The following ANKRD1 variants were observed in gnomAD, a reference collection of about 807,000 sequenced individuals.
The protein encoded by ANKRD1 is ankyrin repeat domain-containing protein 1.
A neutral mutation model predicts 40.1 loss-of-function variants in ANKRD1; 32 were observed. The ratio of observed to expected loss-of-function variants is 0.80; its 90% CI spans 0.60 to 1.07. The LOEUF (loss-of-function observed/expected upper bound fraction) is 1.07, where lower values mean the gene tolerates loss of function less well. ANKRD1 is among the 50% of genes least tolerant of loss of function. The probability of loss-of-function intolerance (pLI) is 0.00; values close to 1 mark genes in which losing one functional copy is unlikely to be tolerated. For missense variants in ANKRD1, 359 were observed against 386.0 expected (o/e 0.93, Z 0.59); for synonymous variants, 149 against 141.2 (o/e 1.06, Z -0.39).
chr10:90,916,917 T>C (rs1011018293), intron 5 of ANKRD1, among the ~76,000 whole-genome samples: 1 of 152,090 alleles, frequency 6.6e-6, no homozygotes, highest in African/African-American at 2.4e-5. Flanking sequence ...CTGTAGTCAC[T>C]TGTGTCTACA....
Position 90,912,975 on chromosome 10 carries a change from G to C in ANKRD1, c.851C>G (p.Ala284Gly), listed in dbSNP as rs370857813. 6 of 1,613,774 alleles carry C rather than the reference G, an allele frequency of 3.7e-6. No homozygotes were observed. The African/African-American group carries it at 8.0e-5, about 22-fold the overall frequency. ...CACCAGATCCATCGGCGTCTTCCCA[G>C]CCTAATCAAATGAGATAAGGAAAGT... ...YGADLNIKNC[A>G]GKTPMDLVLH... The change falls in exon 9 of 9, where the codon GCT (alanine) becomes GGT (glycine). Residue 284 changes from alanine to glycine, a missense_variant and splice_region_variant. By Grantham distance (60) the Ala-to-Gly change is moderately conservative. Transcript: ENST00000371697.
At chr10:90,914,211 G>A (rs1025962963) in intron 8 of ANKRD1, among the ~76,000 whole-genome samples, 5 of 151,962 alleles carry the variant, frequency 3.3e-5, no homozygotes, top group African/African-American at 1.2e-4. Flanking sequence ...TTGATCTTTG[G>A]GGGAAACATC....
chr10:90,919,508 C>T (rs1847411769), intron 2 of ANKRD1, among the ~76,000 whole-genome samples: 1 of 152,142 alleles, frequency 6.6e-6, no homozygotes, highest in East Asian at 1.9e-4. Flanking sequence ...GTAGAATCAG[C>T]CCTTGACCAA....
rs1450689886 is a variant in ANKRD1, at chr10:90,912,226, C to T, written c.*640G>A. ...CAATTCTGCATGTCCCAGTTTGCCG[C>T]TCCTTCCACTGATTTGCACTTACAC... On this transcript the variant is annotated 3_prime_UTR_variant, in exon 9 of 9. Coordinates refer to ENST00000371697, the MANE Select transcript of ANKRD1 (RefSeq NM_014391.3). 7.0e-6 allele frequency: 1 copy of T among 143,498 alleles called. No homozygotes were observed. The highest frequency in any genetic ancestry group is 1.5e-5 in the Non-Finnish European group (1 of 66,804). The allele number at this position is 143,498 out of a possible 1,614,324, so 8.9% of individuals were successfully genotyped here.
rs142439928 is a variant in ANKRD1 at position 90,912,547 on chromosome 10, T to C, written c.*319A>G. ...TTGAACTTTGCTCTTTCACCTGGTT[T>C]AAGAACTACCTATGGGTGGGAAGGC... On this transcript the variant is annotated 3_prime_UTR_variant, in exon 9 of 9. Transcript: ENST00000371697. 2,297 of 331,876 alleles carry C rather than the reference T, an allele frequency of 6.9e-3. 17 individuals are homozygous for C. The highest frequency in any genetic ancestry group is 9.4e-3 in the Non-Finnish European group (1,615 of 171,574). 20.6% of individuals were successfully genotyped at this position (331,876 alleles called of 1,614,324 possible).
chr10:90,921,044 T>C lies in ANKRD1; in HGVS notation c.-17A>G, dbSNP rs79341122. ...TACCATCATGTTGGCTGAAGGAGTC[T>C]TGTATGTTTTTCTGTCGTGGAAGGA... On this transcript the variant is annotated 5_prime_UTR_variant, in exon 1 of 9. Transcript: ENST00000371697. 2,045 of 1,613,830 alleles carry C rather than the reference T, an allele frequency of 1.3e-3. 21 individuals carry two copies. The African/African-American group carries it at 0.023, about 18-fold the overall frequency.
chr10:90,919,337 C>G, intron 2 of ANKRD1, 69 bp from the exon 3 acceptor site: 5 of 1,414,388 alleles, frequency 3.5e-6, no homozygotes, highest in Non-Finnish European at 4.9e-6. Context: ...TGTGTCTAAA[C>G]TAAATCTGCA....
intron 4 of ANKRD1, 55 bp downstream of exon 4, chr10:90,918,810 A>C (rs1315437637): frequency 7.3e-7 from 1 of 1,374,036 alleles, no homozygotes; most frequent in Admixed American, 1.7e-5. Context: ...GGAGTAAAGC[A>C]TAAGAAACAT....
At chr10:90,916,761 G>C (rs1847378151) in intron 5 of ANKRD1, among the ~76,000 whole-genome samples, 1 of 152,144 alleles carries the variant, frequency 6.6e-6, no homozygotes, top group African/African-American at 2.4e-5. Flanking sequence ...CTAAACACAT[G>C]TATTTAAAAA....
rs72003210 is a variant in ANKRD1, at chr10:90,918,983, AATAAATAAATATATATAT to A, written c.346-29_346-12del. The A allele has an allele frequency of 0.58, 816,445 of 1,408,210 alleles. 253,135 individuals are homozygous for A. The highest frequency in any genetic ancestry group is 0.63 in the Admixed American group (31,988 of 50,926). The allele number at this position is 1,408,210 out of a possible 1,614,324, so 87.2% of individuals were successfully genotyped here. A position where few individuals can be genotyped will look rare whatever the true frequency, so the allele number is the denominator to read the frequency against. Reference sequence around the variant, plus strand: ...ATCCACAGGTTCCGTCTAAAGCCAAAATAAATAAATATATATATATATATATATATATAGCATGAGAGT... The same window carrying A: ...ATCCACAGGTTCCGTCTAAAGCCAAAATATATATATATATAGCATGAGAGT... On this transcript the variant is annotated splice_polypyrimidine_tract_variant and intron_variant, in intron 3 of 8. Transcript: ENST00000371697.
At chr10:90,920,708 A>C (rs1483256981) in intron 1 of ANKRD1, among the ~76,000 whole-genome samples, 1 of 152,204 alleles carries the variant, frequency 6.6e-6, no homozygotes, top group Non-Finnish European at 1.5e-5. Flanking sequence ...CCGGGCTTAC[A>C]TTCTTTCAAT....
chr10:90,914,103 C>G lies in ANKRD1; in HGVS notation c.850-1127G>C, dbSNP rs556165747. ...TTCCCCACCTCTGTAGTGTCTTTCT[C>G]TAGGAACAATCATCAGTAGACATGA... On this transcript the variant is annotated intron_variant, in intron 8 of 8. Transcript: ENST00000371697. 2.2e-3 allele frequency among the ~76,000 whole-genome samples: 339 copies of G among 152,222 alleles called. 1 individual carries two copies. The highest frequency in any genetic ancestry group is 0.01 in the Middle Eastern group (3 of 292).
rs1164638612 is a variant in ANKRD1, at chr10:90,912,685, A to C, written c.*181T>G. 3.3e-6 allele frequency: 2 copies of C among 600,762 alleles called. No homozygotes were observed. Among genetic ancestry groups the C allele is most frequent in the African/African-American group, 3.7e-5 (2 of 53,528 alleles). 37.2% of individuals were successfully genotyped at this position (600,762 alleles called of 1,614,324 possible). Reference sequence around the variant, plus strand: ...TAAACAGGAATACATAAAAATAAATAAGAGTTTCACTAAAGGAAATTTAAA... The same window carrying C: ...TAAACAGGAATACATAAAAATAAATCAGAGTTTCACTAAAGGAAATTTAAA... On this transcript the variant is annotated 3_prime_UTR_variant, in exon 9 of 9. Transcript: ENST00000371697.
intron 3 of ANKRD1, 43 bp from the exon 4 acceptor site, chr10:90,919,015 TAGC>T (rs1847403952): frequency 6.8e-7 from 1 of 1,460,662 alleles, no homozygotes; most frequent in African/African-American, 1.6e-5. Context: ...TATATATATA[TAGC>T]ATGAGAGTTA....
At position 90,916,274 on chromosome 10, in the gene ANKRD1, A is replaced by AC. The variant is rs749531136; in HGVS notation, c.553-6dup. On this transcript the variant is annotated splice_region_variant and splice_polypyrimidine_tract_variant and intron_variant, in intron 5 of 8. Coordinates refer to ENST00000371697, the MANE Select transcript of ANKRD1 (RefSeq NM_014391.3). ...GTGGATGGCTGTGGATTCAAGCTAT[A>AC]CCGGGAGGGAAGACCCGACAATGTG... is the stretch of plus-strand genomic sequence containing the variant. 2 of 1,608,002 alleles carry AC rather than the reference A, an allele frequency of 1.2e-6. No homozygotes were observed. Among genetic ancestry groups the AC allele is most frequent in the Non-Finnish European group, 1.7e-6 (2 of 1,174,576 alleles).
At chr10:90,918,760 G>T in intron 4 of ANKRD1, 105 bp downstream of exon 4, 1 of 958,834 alleles carries the variant, frequency 1.0e-6, no homozygotes, top group Non-Finnish European at 1.6e-6. Flanking sequence ...TGGGGAAACT[G>T]TTTCAGGTGG....
chr10:90,920,888 G>T, intron 1 of ANKRD1, 113 bp downstream of exon 1: 2 of 1,003,266 alleles, frequency 2.0e-6, no homozygotes, highest in Non-Finnish European at 3.1e-6. Context: ...TTCCATATAT[G>T]ACATTTTCAG....
chr10:90,913,264 T>C (rs1847337104), intron 8 of ANKRD1, among the ~76,000 whole-genome samples: 1 of 152,234 alleles, frequency 6.6e-6, no homozygotes, highest in African/African-American at 2.4e-5. Context: ...CAAGTCATTT[T>C]GAAATTTATA....
chr10:90,913,289 A>G (rs1847337196), intron 8 of ANKRD1, among the ~76,000 whole-genome samples: 1 of 152,222 alleles, frequency 6.6e-6, no homozygotes, highest in African/African-American at 2.4e-5. Context: ...GTCTCCATAC[A>G]TCTTCCAGTA....
Sources: gnomAD v4.1 joint callset for allele counts (sites outside exome capture counted in the v4.1 genomes callset) on GRCh38, gnomAD v4.1.1 for gene constraint, MANE v1.5 for transcripts, NCBI Gene and HGNC (gene_info 2026-07-23, HGNC 2026-07-21) for gene names.